Variants in SPTLC3 observed in about 807,000 individuals in gnomAD.
SPTLC3 encodes the protein serine palmitoyltransferase 3.
SPTLC3 carries 36 observed loss-of-function variants against 59.3 expected under a neutral mutation model. The ratio of observed to expected loss-of-function variants is 0.61; its 90% CI spans 0.47 to 0.80. The LOEUF is 0.80. Among genes scored for constraint, SPTLC3 ranks in the 30% least tolerant of loss-of-function variants. SPTLC3 has a pLI of 0.00. For missense variants in SPTLC3, 625 were observed against 685.1 expected (o/e 0.91, Z 0.98); for synonymous variants, 257 against 240.8 (o/e 1.07, Z -0.62).
intron 4 of SPTLC3, 134 bp downstream of exon 4, chr20:13,074,631 A>T: frequency 9.3e-7 from 1 of 1,074,252 alleles, no homozygotes; most frequent in Non-Finnish European, 1.3e-6. Flanking sequence ...AAAAAAAGAG[A>T]TATTTTGGGA....
At chr20:13,111,694 C>T (rs1600297834) in intron 7 of SPTLC3, among the ~76,000 whole-genome samples, 2 of 152,172 alleles carry the variant, frequency 1.3e-5, no homozygotes, top group African/African-American at 4.8e-5. Flanking sequence ...ATCTAAACAC[C>T]TGTCATTCAG....
In SPTLC3 at chr20:13,072,241, C is replaced by A. The variant is rs1988465687; in HGVS notation, c.304-15C>A. ...GCAAAGAACCAGAGATAACCTTCTA[C>A]CTCTGTTCTAACAGGATTTTGTGCC... On this transcript the variant is annotated splice_polypyrimidine_tract_variant and intron_variant, in intron 2 of 11. Coordinates refer to ENST00000399002, the MANE Select transcript of SPTLC3 (RefSeq NM_018327.4). The A allele has an allele frequency of 1.9e-6, 3 of 1,605,996 alleles. No homozygotes were observed. Among genetic ancestry groups the A allele is most frequent in the Non-Finnish European group, 2.5e-6 (3 of 1,177,206 alleles).
At chr20:13,149,430 A>C (rs1600388405) in intron 9 of SPTLC3, among the ~76,000 whole-genome samples, 2 of 152,264 alleles carry the variant, frequency 1.3e-5, no homozygotes, top group East Asian at 3.8e-4. Context: ...CATCCTGTTT[A>C]GATGAGTAGC....
intron 1 of SPTLC3, among the ~76,000 whole-genome samples, chr20:13,045,013 ACACACACACAC>A (rs1987169349): frequency 6.6e-6 from 1 of 151,684 alleles, no homozygotes; most frequent in African/African-American, 2.4e-5. Context: ...ACACACACAC[ACACACACACAC>A]ACACACACAC....
In SPTLC3 at chr20:13,072,198, G is replaced by T. The variant is rs1988464135; in HGVS notation, c.304-58G>T. On this transcript the variant is annotated intron_variant, in intron 2 of 11. Coordinates refer to ENST00000399002, the MANE Select transcript of SPTLC3 (RefSeq NM_018327.4). ...CCAGGTCTTCTTCCCTGCTTCAATT[G>T]TAAGTGAAATCCAGAAAGCAAAGAA... 3.3e-6 allele frequency: 5 copies of T among 1,532,526 alleles called. No homozygotes were observed. In the South Asian group the frequency reaches 5.2e-5, roughly 16 times the overall value. 94.9% of individuals were successfully genotyped at this position (1,532,526 alleles called of 1,614,324 possible). A position where few individuals can be genotyped will look rare whatever the true frequency, so the allele number is the denominator to read the frequency against.
chr20:13,105,564 T>C (rs1455317773), intron 6 of SPTLC3, among the ~76,000 whole-genome samples: 1 of 152,238 alleles, frequency 6.6e-6, no homozygotes, highest in African/African-American at 2.4e-5. Flanking sequence ...GATTAATCCA[T>C]CGTGTTTATG....
At position 13,126,646 on chromosome 20, in the gene SPTLC3, T is replaced by C; in HGVS notation, c.1208T>C (p.Met403Thr). The C allele has an allele frequency of 6.2e-7, 1 of 1,614,096 alleles. No homozygotes were observed. Among genetic ancestry groups the C allele is most frequent in the Non-Finnish European group, 8.5e-7 (1 of 1,179,960 alleles). ...CATAGTGCTGTTTATGCTTCATCCA[T>C]GAGCCCACCGATAGCAGAGCAAATC... ...HSHSAVYASS[M>T]SPPIAEQIIR... is the part of the protein sequence containing the mutation. Residue 403 changes from methionine (M) to threonine (T), a missense_variant, in exon 9 of 12, where the codon ATG (methionine) becomes ACG (threonine). By Grantham distance (81) the Met-to-Thr change is moderately conservative. Coordinates refer to ENST00000399002, the MANE Select transcript of SPTLC3 (RefSeq NM_018327.4).
rs538580346 is a variant in SPTLC3 at position 13,166,902 on chromosome 20, C to T, written c.*2035C>T. ...ATTGGGTCTAATTCATTGTGGGAAA[C>T]TACTTACCTACCCAGCATGGAAGGC... On this transcript the variant is annotated 3_prime_UTR_variant, in exon 12 of 12. Transcript: ENST00000399002. 1 of 152,322 alleles carries T rather than the reference C, an allele frequency of 6.6e-6. No individual in the cohort carries two copies. Among genetic ancestry groups the T allele is most frequent in the East Asian group, 1.9e-4 (1 of 5,186 alleles). 9.4% of individuals were successfully genotyped at this position (152,322 alleles called of 1,614,324 possible).
chr20:13,076,583 A>G (rs1284956790), intron 4 of SPTLC3, among the ~76,000 whole-genome samples: 1 of 152,036 alleles, frequency 6.6e-6, no homozygotes, highest in Non-Finnish European at 1.5e-5. Context: ...AATAACAAGG[A>G]ATCACTTAAA....
intron 6 of SPTLC3, among the ~76,000 whole-genome samples, chr20:13,097,137 T>C (rs1989444964): frequency 6.6e-6 from 1 of 152,014 alleles, no homozygotes; most frequent in African/African-American, 2.4e-5. Flanking sequence ...TATGGAAAAA[T>C]GAAGAGTCTA....
intron 1 of SPTLC3, among the ~76,000 whole-genome samples, chr20:13,014,623 A>G (rs6078881): frequency 0.059 from 8,983 of 152,166 alleles, 340 homozygotes; most frequent in Middle Eastern, 0.095. Flanking sequence ...GAAATTTATT[A>G]GGGAGGTGAA....
chr20:13,143,843 T>A (rs937481083), intron 9 of SPTLC3, among the ~76,000 whole-genome samples: 1 of 152,242 alleles, frequency 6.6e-6, no homozygotes, highest in Non-Finnish European at 1.5e-5. Flanking sequence ...TCCTTTGTCT[T>A]CTTGCCACAA....
At chr20:13,136,586 T>G (rs1426921028) in intron 9 of SPTLC3, among the ~76,000 whole-genome samples, 2 of 147,154 alleles carry the variant, frequency 1.4e-5, no homozygotes, top group Non-Finnish European at 3.0e-5. Flanking sequence ...GGCAACAGAG[T>G]GAGACCTCAT....
chr20:13,009,550 T>G (rs535930735), intron 1 of SPTLC3, among the ~76,000 whole-genome samples, 166 bp downstream of exon 1: 26 of 152,332 alleles, frequency 1.7e-4, no homozygotes, highest in Admixed American at 5.9e-4. Context: ...CCAAAAAGTT[T>G]AGGTGTGGAT....
intron 2 of SPTLC3, among the ~76,000 whole-genome samples, chr20:13,065,206 T>C (rs576554637): frequency 6.6e-6 from 1 of 151,912 alleles, no homozygotes; most frequent in East Asian, 1.9e-4. Flanking sequence ...TTTTCTCTAC[T>C]GAACTTTTTA....
At chr20:13,065,674 TTC>T (rs1188509109) in intron 2 of SPTLC3, among the ~76,000 whole-genome samples, 2 of 147,716 alleles carry the variant, frequency 1.4e-5, no homozygotes, top group Non-Finnish European at 3.0e-5. Context: ...CATTCATATC[TTC>T]TTTTATTTTT....
chr20:13,117,761 G>T, intron 8 of SPTLC3, 36 bp downstream of exon 8: 1 of 1,564,622 alleles, frequency 6.4e-7, no homozygotes, highest in South Asian at 1.2e-5. Flanking sequence ...TTTAAAACCT[G>T]AGCGCCCTGG....
intron 6 of SPTLC3, among the ~76,000 whole-genome samples, chr20:13,102,971 A>G (rs2122658132): frequency 6.6e-6 from 1 of 152,120 alleles, no homozygotes; most frequent in South Asian, 2.1e-4. Flanking sequence ...CATAAGCCCA[A>G]CCCAGGTCAC....
At chr20:13,033,793 A>G (rs1350602710) in intron 1 of SPTLC3, among the ~76,000 whole-genome samples, 2 of 152,174 alleles carry the variant, frequency 1.3e-5, no homozygotes, top group Non-Finnish European at 2.9e-5. Context: ...TTAAAATATT[A>G]TTGTTATACA....
Sources: allele counts gnomAD v4.1 joint callset (sites outside exome capture counted in the v4.1 genomes callset), GRCh38; gene constraint gnomAD v4.1.1; transcripts MANE v1.5; gene names NCBI Gene and HGNC (gene_info 2026-07-23, HGNC 2026-07-21).